The following GAS7 variants were observed in gnomAD, a reference collection of about 807,000 sequenced individuals.
The protein encoded by GAS7 is growth arrest-specific protein 7.
GAS7 carries 28 observed loss-of-function variants against 71.1 expected under a neutral mutation model. The observed-to-expected ratio is 0.39, with a 90% CI of 0.29 to 0.54. The LOEUF (loss-of-function observed/expected upper bound fraction) is 0.54. Among genes scored for constraint, GAS7 ranks in the 20% least tolerant of loss-of-function variants. The pLI is 0.62. For missense variants in GAS7, 436 were observed against 627.8 expected, an observed-to-expected ratio of 0.69 and a Z score of 3.27; for synonymous variants, 258 against 245.8, an observed-to-expected ratio of 1.05 and a Z score of -0.46.
chr17:10,056,659 C>T (rs748406292), intron 1 of GAS7, among the ~76,000 whole-genome samples: 77 of 152,240 alleles, frequency 5.1e-4, no homozygotes, highest in Middle Eastern at 3.4e-3. Flanking sequence ...ATCACGAGGT[C>T]AGGAGATCGA....
chr17:9,971,447 TC>T (rs1350627415), intron 3 of GAS7, among the ~76,000 whole-genome samples: 1 of 151,562 alleles, frequency 6.6e-6, no homozygotes, highest in Non-Finnish European at 1.5e-5. Context: ...TGTCTGTAGT[TC>T]CAGTAACTCG....
intron 1 of GAS7, among the ~76,000 whole-genome samples, chr17:10,121,050 A>G (rs1310732217): frequency 1.3e-5 from 2 of 152,236 alleles, no homozygotes; most frequent in Non-Finnish European, 2.9e-5. Context: ...GCTGGGGTGC[A>G]GAAGATTGGA....
At chr17:10,037,773 G>A (rs2072783487) in intron 1 of GAS7, among the ~76,000 whole-genome samples, 1 of 152,106 alleles carries the variant, frequency 6.6e-6, no homozygotes. Flanking sequence ...ATTTCACCTA[G>A]TGGACGAAGT....
intron 1 of GAS7, among the ~76,000 whole-genome samples, chr17:10,163,884 T>C (rs571190618): frequency 1.3e-5 from 2 of 152,326 alleles, no homozygotes; most frequent in East Asian, 1.9e-4. Context: ...ACTTTGCTCA[T>C]GGAGTGAGGA....
intron 3 of GAS7, among the ~76,000 whole-genome samples, chr17:9,979,287 C>A (rs2070322530): frequency 6.6e-6 from 1 of 152,168 alleles, no homozygotes; most frequent in South Asian, 2.1e-4. Flanking sequence ...CCCCAGCACC[C>A]TGGGGATGGG....
chr17:9,934,365 A>T, intron 8 of GAS7, 121 bp from the exon 9 acceptor site: 2 of 691,510 alleles, frequency 2.9e-6, no homozygotes, highest in Non-Finnish European at 5.2e-6. Context: ...GACGCGGATG[A>T]GGCAGAAGTC....
At chr17:10,013,614 T>C (rs902975566) in intron 2 of GAS7, among the ~76,000 whole-genome samples, 4 of 152,228 alleles carry the variant, frequency 2.6e-5, no homozygotes, top group Non-Finnish European at 5.9e-5. Context: ...GGCAAGTTTA[T>C]ATGAAAGCAA....
intron 5 of GAS7, among the ~76,000 whole-genome samples, chr17:9,952,363 GC>G (rs2069055408): frequency 6.6e-6 from 1 of 151,898 alleles, no homozygotes; most frequent in African/African-American, 2.4e-5. Flanking sequence ...ATCCTACATG[GC>G]AAGTGGGCAA....
intron 12 of GAS7, among the ~76,000 whole-genome samples, chr17:9,918,734 G>A (rs941098429): frequency 6.6e-6 from 1 of 152,242 alleles, no homozygotes; most frequent in Admixed American, 6.5e-5. Context: ...TCAAAGGGGA[G>A]CGTGGAAAGG....
At chr17:9,963,506 G>C (rs768234) in intron 4 of GAS7, among the ~76,000 whole-genome samples, 2,724 of 152,190 alleles carry the variant, frequency 0.018, 92 homozygotes, top group African/African-American at 0.061. Flanking sequence ...AAACAACAGA[G>C]ACACAGCAAC....
At chr17:10,182,591 T>C (rs1055229890) in intron 1 of GAS7, among the ~76,000 whole-genome samples, 2 of 152,178 alleles carry the variant, frequency 1.3e-5, no homozygotes, top group African/African-American at 2.4e-5. Flanking sequence ...CTGTGACAGA[T>C]GGACATCACT....
At chr17:10,057,450 C>T (rs924362464) in intron 1 of GAS7, among the ~76,000 whole-genome samples, 70 of 151,968 alleles carry the variant, frequency 4.6e-4, no homozygotes, top group Non-Finnish European at 1.8e-4. Flanking sequence ...GCCGCGACCC[C>T]GTCTGGGAGG....
At chr17:9,953,043 G>A (rs917766776) in intron 5 of GAS7, among the ~76,000 whole-genome samples, 1 of 151,856 alleles carries the variant, frequency 6.6e-6, no homozygotes, top group Non-Finnish European at 1.5e-5. Flanking sequence ...ACACATGGAC[G>A]CATATGTTCA....
At chr17:10,061,692 G>C (rs2073221939) in intron 1 of GAS7, among the ~76,000 whole-genome samples, 1 of 152,144 alleles carries the variant, frequency 6.6e-6, no homozygotes, top group Non-Finnish European at 1.5e-5. Context: ...GGAGCCTCTG[G>C]GGGGAAGCTG....
At chr17:9,939,613 C>A (rs1346348607) in intron 8 of GAS7, among the ~76,000 whole-genome samples, 1 of 147,846 alleles carries the variant, frequency 6.8e-6, no homozygotes, top group Admixed American at 6.7e-5. Flanking sequence ...TGTGGAAGTG[C>A]CTTTTTTTTT....
chr17:9,958,231 A>G lies in GAS7; in HGVS notation c.525+971T>C, dbSNP rs990385031. On this transcript the variant is annotated intron_variant, in intron 5 of 13. Coordinates refer to ENST00000432992, the MANE Select transcript of GAS7 (RefSeq NM_201433.2). ...CAGAGTCCACGTTCATCATCGTTAT[A>G]CTATATTGATTCCACGACTGACACT... Among the ~76,000 whole-genome samples the G allele has an allele frequency of 3.9e-5, 6 of 152,304 alleles. No individual in the cohort carries two copies. The South Asian group carries it at 1.2e-3, about 32-fold the overall frequency.
chr17:9,941,000 C>T (rs1487254604), intron 7 of GAS7, among the ~76,000 whole-genome samples: 2 of 152,360 alleles, frequency 1.3e-5, no homozygotes, highest in Non-Finnish European at 2.9e-5. Flanking sequence ...TGGTCCACCA[C>T]ACGGTGAACA....
intron 9 of GAS7, among the ~76,000 whole-genome samples, chr17:9,931,705 T>C (rs2068214049): frequency 6.6e-6 from 1 of 152,220 alleles, no homozygotes; most frequent in Non-Finnish European, 1.5e-5. Context: ...ACTGAAGCGC[T>C]TGGTGTAATG....
chr17:10,136,008 G>C (rs1206826845), intron 1 of GAS7, among the ~76,000 whole-genome samples: 1 of 152,142 alleles, frequency 6.6e-6, no homozygotes, highest in African/African-American at 2.4e-5. Context: ...ACTGAGCAGG[G>C]GGGTGGTTCA....
Sources: gnomAD v4.1 joint callset for allele counts (sites outside exome capture counted in the v4.1 genomes callset) on GRCh38, gnomAD v4.1.1 for gene constraint, MANE v1.5 for transcripts, NCBI Gene and HGNC (gene_info 2026-07-23, HGNC 2026-07-21) for gene names.